Variants in CALN1 observed in about 807,000 individuals in gnomAD.
The protein encoded by CALN1 is calneuron 1.
Under a neutral mutation model 30.6 loss-of-function variants are expected in CALN1, and 17 were observed. The ratio of observed to expected loss-of-function variants is 0.56; its 90% confidence interval spans 0.38 to 0.83. CALN1 has a LOEUF of 0.83. Among genes scored for constraint, CALN1 ranks in the 40% least tolerant of loss-of-function variants. CALN1 has a pLI of 0.00. For missense variants in CALN1, 291 were observed against 354.9 expected (o/e 0.82, Z 1.45); for synonymous variants, 156 against 131.4 (o/e 1.19, Z -1.28).
chr7:72,350,103 T>C (rs1210701654), intron 2 of CALN1, among the ~76,000 whole-genome samples: 5 of 152,204 alleles, frequency 3.3e-5, no homozygotes, highest in African/African-American at 1.2e-4. Context: ...TCAATCCAGC[T>C]AGAATTGATT....
the CALN1 span, among the ~76,000 whole-genome samples, chr7:72,454,689 G>A: frequency 3.9e-5 from 6 of 152,094 alleles, no homozygotes; most frequent in Admixed American, 6.6e-5. Flanking sequence ...TCAGATCATC[G>A]TCCTACCCCT....
chr7:71,905,128 G>A (rs992080595), intron 5 of CALN1, among the ~76,000 whole-genome samples: 4 of 152,016 alleles, frequency 2.6e-5, no homozygotes, highest in Non-Finnish European at 5.9e-5. Flanking sequence ...CAGTAGAGAC[G>A]GGGTTTTAAC....
Position 71,833,842 on chromosome 7 carries a change from G to T in CALN1, c.502-23350C>A, listed in dbSNP as rs185427787. Reference sequence around the variant, plus strand: ...GTGGGAGGATCACTTGAGCCCAGGAGTTCAAGGCTGAGCTATGATTGTGCT... The same window carrying T: ...GTGGGAGGATCACTTGAGCCCAGGATTTCAAGGCTGAGCTATGATTGTGCT... On this transcript the variant is annotated intron_variant, in intron 5 of 6. Coordinates refer to ENST00000395275, the MANE Select transcript of CALN1 (RefSeq NM_031468.4). Among the ~76,000 whole-genome samples the T allele has an allele frequency of 8.0e-4, 122 of 152,190 alleles. 1 individual carries two copies. Among genetic ancestry groups the T allele is most frequent in the African/African-American group, 2.7e-3 (114 of 41,532 alleles).
chr7:72,406,118 G>A lies in CALN1; in HGVS notation c.-73-2676C>T, dbSNP rs568197194. 4.6e-5 allele frequency among the ~76,000 whole-genome samples: 7 copies of A among 152,300 alleles called. No individual in the cohort carries two copies. The South Asian group carries it at 1.0e-3, about 23-fold the overall frequency. ...GATGTGCCAGAGAAACACAAAGCCA[G>A]GGGACCCAAAATGGAGCTGGCTCCC... On this transcript the variant is annotated intron_variant, in intron 1 of 6. Coordinates refer to ENST00000395275, the MANE Select transcript of CALN1 (RefSeq NM_031468.4).
intron 3 of CALN1, among the ~76,000 whole-genome samples, chr7:72,155,251 G>A (rs1415740185): frequency 6.6e-6 from 1 of 152,124 alleles, no homozygotes; most frequent in East Asian, 1.9e-4. Context: ...CTCCAGAACA[G>A]TTAGAAAATA....
rs551978196 is a variant in CALN1, at chr7:71,791,943, A to G, written c.659-4041T>C. Among the ~76,000 whole-genome samples, 776 of 152,184 alleles carry G rather than the reference A, an allele frequency of 5.1e-3. 1 individual carries two copies. The highest frequency in any genetic ancestry group is 8.9e-3 in the African/African-American group (368 of 41,524). On this transcript the variant is annotated intron_variant, in intron 6 of 6. Coordinates refer to ENST00000395275, the MANE Select transcript of CALN1 (RefSeq NM_031468.4). ...GGAGAATGGTGTGAACCCGGGAGGC[A>G]GAGCTTGCAGTGAGCCGAGATCGCG...
intron 2 of CALN1, among the ~76,000 whole-genome samples, chr7:72,316,402 G>A (rs943837089): frequency 4.0e-5 from 6 of 151,580 alleles, no homozygotes; most frequent in Non-Finnish European, 7.4e-5. Context: ...ACATTCACAG[G>A]ATATTAAGTG....
rs1403356200 is a variant in CALN1 at position 71,960,170 on chromosome 7, TAAATAAATAAATA to T, written c.501+63474_501+63486del. 1.6e-3 allele frequency among the ~76,000 whole-genome samples: 174 copies of T among 112,200 alleles called. 2 individuals carry two copies. The East Asian group carries it at 0.031, about 20-fold the overall frequency. The allele number at this position is 112,200 out of a possible 152,430, so 73.6% of individuals were successfully genotyped here. A position where few individuals can be genotyped will look rare whatever the true frequency, so the allele number is the denominator to read the frequency against. ...ATAAATAAATAAATAAATAAATAAA[TAAATAAATAAATA>T]AAATAAAATAAAAAAATAAAATAAA... On this transcript the variant is annotated intron_variant, in intron 5 of 6. Coordinates refer to ENST00000395275, the MANE Select transcript of CALN1 (RefSeq NM_031468.4).
chr7:72,390,956 A>G (rs1229301748), intron 2 of CALN1, among the ~76,000 whole-genome samples: 1 of 152,186 alleles, frequency 6.6e-6, no homozygotes, highest in Non-Finnish European at 1.5e-5. Flanking sequence ...TCCATGCACC[A>G]AAAGTACCCT....
At chr7:72,027,937 T>C (rs1281665597) in intron 4 of CALN1, among the ~76,000 whole-genome samples, 8 of 151,422 alleles carry the variant, frequency 5.3e-5, no homozygotes, top group African/African-American at 1.7e-4. Context: ...CGGGCGCCTG[T>C]AGTCCCAGCT....
chr7:72,360,022 G>GA (rs1803478862), intron 2 of CALN1, among the ~76,000 whole-genome samples: 1 of 145,752 alleles, frequency 6.9e-6, no homozygotes. Flanking sequence ...GCAAAAATGT[G>GA]AATGTCCCAA....
chr7:72,253,180 G>A (rs1290693430), intron 3 of CALN1, among the ~76,000 whole-genome samples: 2 of 152,148 alleles, frequency 1.3e-5, no homozygotes, highest in Non-Finnish European at 2.9e-5. Flanking sequence ...TTCAGCATCT[G>A]GGAATACTGC....
chr7:71,895,864 T>G (rs1793504817), intron 5 of CALN1, among the ~76,000 whole-genome samples: 3 of 152,176 alleles, frequency 2.0e-5, no homozygotes, highest in Admixed American at 2.0e-4. Context: ...GCAGTGACTT[T>G]TACACCAATC....
chr7:72,014,472 C>A (rs1360512971), intron 5 of CALN1, among the ~76,000 whole-genome samples: 1 of 152,104 alleles, frequency 6.6e-6, no homozygotes. Flanking sequence ...GTTAACCAAT[C>A]CCTATTTTAA....
intron 3 of CALN1, among the ~76,000 whole-genome samples, chr7:72,166,266 A>G (rs948581637): frequency 1.3e-5 from 2 of 152,174 alleles, no homozygotes; most frequent in Admixed American, 1.3e-4. Flanking sequence ...CAGTGGCATG[A>G]TCATAGCTCA....
chr7:72,181,100 C>CA (rs200875067), intron 3 of CALN1, among the ~76,000 whole-genome samples: 1 of 89,056 alleles, frequency 1.1e-5, no homozygotes, highest in African/African-American at 3.7e-5. Flanking sequence ...TGCATAACCC[C>CA]CCCCCCCCCC....
At chr7:71,955,667 T>G (rs1043942440) in intron 5 of CALN1, among the ~76,000 whole-genome samples, 32 of 151,666 alleles carry the variant, frequency 2.1e-4, no homozygotes, top group African/African-American at 7.3e-4. Context: ...AACATAGAGG[T>G]AATATAGGGT....
Position 71,849,977 on chromosome 7 carries a change from C to G in CALN1, c.502-39485G>C, listed in dbSNP as rs138886114. Reference sequence around the variant, plus strand: ...GGTGATATGACAATGTCTATTAAAGCTGAAAATGTGCATGGCCTACAACTT... The same window carrying G: ...GGTGATATGACAATGTCTATTAAAGGTGAAAATGTGCATGGCCTACAACTT... On this transcript the variant is annotated intron_variant, in intron 5 of 6. Coordinates refer to ENST00000395275, the MANE Select transcript of CALN1 (RefSeq NM_031468.4). Among the ~76,000 whole-genome samples, 440 of 152,268 alleles carry G rather than the reference C, an allele frequency of 2.9e-3. 1 individual carries two copies. The highest frequency in any genetic ancestry group is 9.8e-3 in the African/African-American group (408 of 41,550).
chr7:71,781,858 C>T lies in CALN1; in HGVS notation c.*5917G>A, dbSNP rs1166566369. 3.3e-5 allele frequency: 5 copies of T among 152,196 alleles called. No individual in the cohort carries two copies. Among genetic ancestry groups the T allele is most frequent in the African/African-American group, 1.2e-4 (5 of 41,442 alleles). 9.4% of individuals were successfully genotyped at this position (152,196 alleles called of 1,614,324 possible). ...GGGGCAGGTGGCCGGGCAAGCTTTT[C>T]CACTTTCAGAGGACTGTCTTGTGGG... On this transcript the variant is annotated 3_prime_UTR_variant, in exon 7 of 7. Coordinates refer to ENST00000395275, the MANE Select transcript of CALN1 (RefSeq NM_031468.4).
Sources: allele counts gnomAD v4.1 joint callset (sites outside exome capture counted in the v4.1 genomes callset), GRCh38; gene constraint gnomAD v4.1.1; transcripts MANE v1.5; gene names NCBI Gene and HGNC (gene_info 2026-07-23, HGNC 2026-07-21).